CBLB: variants seen among roughly 807,000 people sequenced by gnomAD.
CBLB encodes the protein Cbl proto-oncogene B.
A neutral mutation model predicts 104.9 loss-of-function variants in CBLB; 31 were observed. That is an observed-to-expected ratio of 0.30 (90% CI 0.22 to 0.40). The LOEUF is 0.40. CBLB is among the 10% of genes least tolerant of loss of function. CBLB has a pLI of 1.00. For missense variants in CBLB, 1,062 were observed against 1,214.6 expected, an observed-to-expected ratio of 0.87 and a Z score of 1.87; for synonymous variants, 440 against 422.6, an observed-to-expected ratio of 1.04 and a Z score of -0.51.
intron 3 of CBLB, among the ~76,000 whole-genome samples, chr3:105,847,321 G>C (rs944844163): frequency 2.6e-5 from 4 of 151,326 alleles, no homozygotes; most frequent in African/African-American, 9.7e-5. Context: ...TTTAAATACA[G>C]GCTAGCTTCT....
At chr3:105,762,846 T>A (rs2077792712) in intron 4 of CBLB, among the ~76,000 whole-genome samples, 2 of 152,216 alleles carry the variant, frequency 1.3e-5, no homozygotes, top group South Asian at 4.1e-4. Flanking sequence ...GACCCCAGAA[T>A]AGTAGATCTA....
At chr3:105,758,773 C>T (rs2077312696) in intron 4 of CBLB, among the ~76,000 whole-genome samples, 1 of 152,218 alleles carries the variant, frequency 6.6e-6, no homozygotes, top group African/African-American at 2.4e-5. Flanking sequence ...CAAGTGGCTT[C>T]CACTGTGGGC....
chr3:105,680,459 T>G (rs2066177373), intron 16 of CBLB, among the ~76,000 whole-genome samples: 1 of 152,206 alleles, frequency 6.6e-6, no homozygotes, highest in Non-Finnish European at 1.5e-5. Context: ...GAAAGCTTTA[T>G]TGAACAATGC....
intron 4 of CBLB, among the ~76,000 whole-genome samples, chr3:105,754,545 G>GAGAGAGAGAC (rs1307185371): frequency 6.8e-6 from 1 of 147,534 alleles, no homozygotes; most frequent in Non-Finnish European, 1.5e-5. Flanking sequence ...GAGAGAGAGA[G>GAGAGAGAGAC]AGAGAGAGAG....
intron 3 of CBLB, among the ~76,000 whole-genome samples, chr3:105,816,603 T>C (rs1335294411): frequency 1.3e-5 from 2 of 152,194 alleles, no homozygotes; most frequent in African/African-American, 2.4e-5. Flanking sequence ...CAAAATGCAG[T>C]ATTTTTAGAA....
chr3:105,733,911 G>T, intron 9 of CBLB, 98 bp downstream of exon 9: 1 of 1,098,862 alleles, frequency 9.1e-7, no homozygotes, highest in Non-Finnish European at 1.4e-6. Flanking sequence ...TTCAAACAAA[G>T]CACTTACCAG....
At chr3:105,808,340 T>C (rs1371385856) in intron 3 of CBLB, among the ~76,000 whole-genome samples, 3 of 152,204 alleles carry the variant, frequency 2.0e-5, no homozygotes, top group Admixed American at 1.3e-4. Context: ...GTCCCACATC[T>C]TTAGTAATAT....
intron 7 of CBLB, among the ~76,000 whole-genome samples, chr3:105,738,470 T>C (rs2075185560): frequency 6.6e-6 from 1 of 152,098 alleles, no homozygotes; most frequent in South Asian, 2.1e-4. Flanking sequence ...TGAGGAATGA[T>C]AATCCAAAGA....
intron 3 of CBLB, among the ~76,000 whole-genome samples, chr3:105,804,889 A>G (rs2083317495): frequency 6.6e-6 from 1 of 152,114 alleles, no homozygotes; most frequent in Non-Finnish European, 1.5e-5. Context: ...CCACAGTGGG[A>G]GAGTATCCCA....
At chr3:105,720,378 G>T in intron 9 of CBLB, 128 bp from the exon 10 acceptor site, 1 of 791,030 alleles carries the variant, frequency 1.3e-6, no homozygotes, top group Non-Finnish European at 2.1e-6. Context: ...GGTGGGGGAA[G>T]ATTTCTCTTG....
Position 105,658,887 on chromosome 3 carries a change from T to C in CBLB, c.*83A>G. ...ACACGAGGAGGAGACACTTCTCTCTTGAATTCCATCTCAGTTCTCTTTATT... is the reference window on the plus strand; with the variant it reads ...ACACGAGGAGGAGACACTTCTCTCTCGAATTCCATCTCAGTTCTCTTTATT... On this transcript the variant is annotated 3_prime_UTR_variant, in exon 19 of 19. Transcript: ENST00000394030. 1 of 1,478,880 alleles carries C rather than the reference T, an allele frequency of 6.8e-7. No individual in the cohort carries two copies. Among genetic ancestry groups the C allele is most frequent in the Non-Finnish European group, 9.4e-7 (1 of 1,062,920 alleles). The allele number at this position is 1,478,880 out of a possible 1,614,324, so 91.6% of individuals were successfully genotyped here. A position where few individuals can be genotyped will look rare whatever the true frequency, so the allele number is the denominator to read the frequency against.
chr3:105,702,519 C>T, intron 11 of CBLB, 60 bp from the exon 12 acceptor site: 1 of 1,465,384 alleles, frequency 6.8e-7, no homozygotes, highest in Non-Finnish European at 9.1e-7. Flanking sequence ...GTACCATGCA[C>T]TGACAGAACT....
chr3:105,780,971 T>C (rs976532124), intron 3 of CBLB, among the ~76,000 whole-genome samples: 1 of 152,124 alleles, frequency 6.6e-6, no homozygotes, highest in African/African-American at 2.4e-5. Context: ...AATAAAAGCA[T>C]TTTAAAATAC....
At chr3:105,737,463 C>T (rs1431518696) in intron 7 of CBLB, among the ~76,000 whole-genome samples, 2 of 152,084 alleles carry the variant, frequency 1.3e-5, no homozygotes, top group South Asian at 2.1e-4. Flanking sequence ...ATAAGAAATA[C>T]ATAATGAATA....
chr3:105,807,691 A>G (rs1187255848), intron 3 of CBLB, among the ~76,000 whole-genome samples: 1 of 152,158 alleles, frequency 6.6e-6, no homozygotes, highest in Non-Finnish European at 1.5e-5. Context: ...GCTTTAAAGA[A>G]AAAAAAGCAA....
chr3:105,725,911 G>A (rs576621857), intron 9 of CBLB, among the ~76,000 whole-genome samples: 9 of 151,928 alleles, frequency 5.9e-5, no homozygotes, highest in East Asian at 1.9e-4. Flanking sequence ...GTGCAGTGCC[G>A]TGATCTCAGC....
intron 13 of CBLB, among the ~76,000 whole-genome samples, chr3:105,690,695 G>A (rs1180058043): frequency 6.6e-6 from 1 of 151,810 alleles, no homozygotes; most frequent in Admixed American, 6.6e-5. Flanking sequence ...AGTGGCGGAC[G>A]ACTATAGTCC....
chr3:105,848,019 T>C (rs907184706), intron 3 of CBLB, among the ~76,000 whole-genome samples: 2 of 151,832 alleles, frequency 1.3e-5, no homozygotes, highest in Non-Finnish European at 2.9e-5. Flanking sequence ...TCTCCACACA[T>C]ACACACACAT....
At chr3:105,692,408 G>C (rs1234195272) in intron 13 of CBLB, among the ~76,000 whole-genome samples, 3 of 152,136 alleles carry the variant, frequency 2.0e-5, no homozygotes, top group Non-Finnish European at 2.9e-5. Context: ...TAAACTGCAG[G>C]AAGAGGAATG....
Sources: allele counts gnomAD v4.1 joint callset (sites outside exome capture counted in the v4.1 genomes callset), GRCh38; gene constraint gnomAD v4.1.1; transcripts MANE v1.5; gene names NCBI Gene and HGNC (gene_info 2026-07-23, HGNC 2026-07-21).